The following RNF149 variants were observed in gnomAD, a reference collection of about 807,000 sequenced individuals.
RNF149 encodes the protein ring finger protein 149, also known as E3 ubiquitin-protein ligase RNF149.
A neutral mutation model predicts 39.0 loss-of-function variants in RNF149; 21 were observed. The ratio of observed to expected loss-of-function variants is 0.54; its 90% CI spans 0.38 to 0.77. The LOEUF is 0.77. RNF149 is among the 30% of genes least tolerant of loss of function. The probability of loss-of-function intolerance (pLI) is 0.00; values close to 1 mark genes in which losing one functional copy is unlikely to be tolerated. For missense variants in RNF149, 493 were observed against 534.9 expected (o/e 0.92, Z 0.77); for synonymous variants, 209 against 213.6 (o/e 0.98, Z 0.19).
chr2:101,297,045 C>G (rs1683259765), intron 1 of RNF149, among the ~76,000 whole-genome samples: 1 of 152,012 alleles, frequency 6.6e-6, no homozygotes, highest in Admixed American at 6.6e-5. Flanking sequence ...CCCGTCTCTA[C>G]TGAAATTACA....
chr2:101,289,904 A>G (rs1185951123), intron 3 of RNF149, among the ~76,000 whole-genome samples: 1 of 151,888 alleles, frequency 6.6e-6, no homozygotes, highest in Admixed American at 6.6e-5. Context: ...TTTCACAGCC[A>G]GACACGGTGG....
intron 1 of RNF149, among the ~76,000 whole-genome samples, chr2:101,307,195 C>T (rs1683698992): frequency 1.3e-5 from 2 of 152,092 alleles, no homozygotes; most frequent in Non-Finnish European, 2.9e-5. Context: ...TCTTTTTTGT[C>T]TTTTTTCCTT....
At chr2:101,307,171 G>C (rs917786343) in intron 1 of RNF149, among the ~76,000 whole-genome samples, 1 of 152,164 alleles carries the variant, frequency 6.6e-6, no homozygotes, top group Non-Finnish European at 1.5e-5. Context: ...AGGGTTGCCT[G>C]GCAAATAGCA....
At chr2:101,291,514 C>T (rs995457660) in intron 3 of RNF149, among the ~76,000 whole-genome samples, 4 of 151,326 alleles carry the variant, frequency 2.6e-5, no homozygotes, top group African/African-American at 9.7e-5. Context: ...AACTCCTGGA[C>T]TCAAGAGATC....
chr2:101,307,278 G>A (rs2104445305), intron 1 of RNF149, among the ~76,000 whole-genome samples: 1 of 152,256 alleles, frequency 6.6e-6, no homozygotes, highest in Non-Finnish European at 1.5e-5. Flanking sequence ...GATCTCCTGG[G>A]CTCAAGTGAT....
At chr2:101,294,115 A>G in intron 2 of RNF149, 33 bp from the exon 3 acceptor site, 1 of 1,168,668 alleles carries the variant, frequency 8.6e-7, no homozygotes. Context: ...CAGTTATTGA[A>G]AAATTTAAAT....
intron 1 of RNF149, among the ~76,000 whole-genome samples, chr2:101,300,819 G>C (rs545042526): frequency 4.6e-5 from 7 of 152,338 alleles, no homozygotes; most frequent in African/African-American, 1.7e-4. Context: ...GGATGAACTG[G>C]AGGCAGGGCA....
chr2:101,300,269 G>T (rs1207149102), intron 1 of RNF149, among the ~76,000 whole-genome samples: 2 of 152,110 alleles, frequency 1.3e-5, no homozygotes, highest in African/African-American at 4.8e-5. Flanking sequence ...AGTTTGGCTG[G>T]TGACTAAGAT....
At chr2:101,300,352 T>C (rs961697935) in intron 1 of RNF149, among the ~76,000 whole-genome samples, 25 of 152,096 alleles carry the variant, frequency 1.6e-4, no homozygotes, top group African/African-American at 6.0e-4. Context: ...ATTTAAAAGG[T>C]TCTTTAACAC....
At chr2:101,274,556 G>C (rs977441856), downstream of RNF149, among the ~76,000 whole-genome samples, 4 of 152,212 alleles carry the variant, frequency 2.6e-5, no homozygotes, top group African/African-American at 9.6e-5. Flanking sequence ...TTATGGATTA[G>C]ATGAGCAGTC....
intron 1 of RNF149, chr2:101,307,702 C>T: frequency 2.6e-6 from 1 of 382,624 alleles, no homozygotes; most frequent in Non-Finnish European, 3.6e-6. Flanking sequence ...GCCAACGAGC[C>T]ATCACTTTAT....
rs752092873 is a variant in RNF149 at position 101,281,489 on chromosome 2, C to CT, written c.1159+369dup. The stretch of plus-strand genomic sequence containing the variant: ...TCTTTCACAGCTACTAATAAAATTC[C>CT]TTTTTTTTTTTTTTTTTTTTTTAAG... On this transcript the variant is annotated intron_variant, in intron 6 of 6. Coordinates refer to ENST00000295317, the MANE Select transcript of RNF149 (RefSeq NM_173647.4). 241 of 136,626 alleles carry CT rather than the reference C, an allele frequency of 1.8e-3. 2 individuals are homozygous for CT. Among genetic ancestry groups the CT allele is most frequent in the Middle Eastern group, 3.8e-3 (1 of 264 alleles). 8.5% of individuals were successfully genotyped at this position (136,626 alleles called of 1,614,324 possible). A position where few individuals can be genotyped will look rare whatever the true frequency, so the allele number is the denominator to read the frequency against.
At position 101,277,061 on chromosome 2, in the gene RNF149, C is replaced by T. The variant is rs906078679; in HGVS notation, c.*177G>A. On this transcript the variant is annotated 3_prime_UTR_variant, in exon 7 of 7. Coordinates refer to ENST00000295317, the MANE Select transcript of RNF149 (RefSeq NM_173647.4). ...AGTAGATAAATATATGAGGACTAAT[C>T]GAAAAGTCTCTTCAAGAAGAAAATA... The T allele has an allele frequency of 1.0e-5, 14 of 1,371,576 alleles. 1 individual carries two copies. The highest frequency in any genetic ancestry group is 5.6e-5 in the Admixed American group (2 of 35,548). 85.0% of individuals were successfully genotyped at this position (1,371,576 alleles called of 1,614,324 possible). A position where few individuals can be genotyped will look rare whatever the true frequency, so the allele number is the denominator to read the frequency against.
rs750264668 is a variant in RNF149, at chr2:101,281,908, C to A, written c.1110G>T (p.Gln370His). Residue 370 changes from glutamine to histidine, a missense_variant, in exon 6 of 7, where the codon CAG (glutamine) becomes CAT (histidine). Coordinates refer to ENST00000295317, the MANE Select transcript of RNF149 (RefSeq NM_173647.4). ...CATCTCCTTTAAAGCTGGGATCACA[C>A]TGTGGCTCAGATTCAGCAGGGGAGG... is the stretch of plus-strand genomic sequence containing the variant. Reference protein sequence around the residue: ...PSASPAESEPQCDPSFKGDAG... With the variant: ...PSASPAESEPHCDPSFKGDAG... 1 of 1,614,118 alleles carries A rather than the reference C, an allele frequency of 6.2e-7. No homozygotes were observed. The highest frequency in any genetic ancestry group is 8.5e-7 in the Non-Finnish European group (1 of 1,180,032).
chr2:101,291,232 C>A (rs1354565622), intron 3 of RNF149, among the ~76,000 whole-genome samples: 1 of 152,068 alleles, frequency 6.6e-6, no homozygotes, highest in Non-Finnish European at 1.5e-5. Flanking sequence ...CTCACTGCAA[C>A]CTCCACCTCC....
chr2:101,281,511 T>TTTA lies in RNF149; in HGVS notation c.1159+347_1159+348insTAA, dbSNP rs1553438274. The TTTA allele has an allele frequency of 1.4e-3, 165 of 119,286 alleles. 14 individuals are homozygous for TTTA. Among genetic ancestry groups the TTTA allele is most frequent in the African/African-American group, 3.6e-3 (121 of 33,848 alleles). 7.4% of individuals were successfully genotyped at this position (119,286 alleles called of 1,614,324 possible). A position where few individuals can be genotyped will look rare whatever the true frequency, so the allele number is the denominator to read the frequency against. ...TTCCTTTTTTTTTTTTTTTTTTTTT[T>TTTA]AAGAGACAGGGTCTTGCTCTGTCAC... On this transcript the variant is annotated intron_variant, in intron 6 of 6. Transcript: ENST00000295317.
At chr2:101,307,000 A>G (rs1302662699) in intron 1 of RNF149, among the ~76,000 whole-genome samples, 2 of 152,184 alleles carry the variant, frequency 1.3e-5, no homozygotes, top group African/African-American at 4.8e-5. Flanking sequence ...TGTGATGCAT[A>G]AAGTGATGTT....
At chr2:101,298,170 C>A (rs1461564268) in intron 1 of RNF149, among the ~76,000 whole-genome samples, 1 of 152,168 alleles carries the variant, frequency 6.6e-6, no homozygotes, top group Non-Finnish European at 1.5e-5. Flanking sequence ...GTGGCTCACA[C>A]CTGTAATCCC....
chr2:101,299,393 T>A (rs1450492236), intron 1 of RNF149, among the ~76,000 whole-genome samples: 1 of 152,160 alleles, frequency 6.6e-6, no homozygotes, highest in Non-Finnish European at 1.5e-5. Context: ...AAGGGTCCCT[T>A]GGCAAGAACT....
Sources: gnomAD v4.1 joint callset for allele counts (sites outside exome capture counted in the v4.1 genomes callset) on GRCh38, gnomAD v4.1.1 for gene constraint, MANE v1.5 for transcripts, NCBI Gene and HGNC (gene_info 2026-07-23, HGNC 2026-07-21) for gene names.